PCDHA3: variants seen among roughly 807,000 people sequenced by gnomAD.
The protein encoded by PCDHA3 is protocadherin alpha 3.
In PCDHA3, 41 loss-of-function variants were observed where a neutral mutation model predicts 62.2. That is an observed-to-expected ratio of 0.66 (90% CI 0.51 to 0.86). The LOEUF (loss-of-function observed/expected upper bound fraction) is 0.86, where lower values mean the gene tolerates loss of function less well. Ranked by LOEUF, PCDHA3 falls within the 40% of genes least tolerant of loss-of-function variation. The pLI, the probability that PCDHA3 is intolerant of heterozygous loss-of-function variation, is 0.00. For missense variants in PCDHA3, 1,304 were observed against 1,241.2 expected (o/e 1.05, Z -0.76); for synonymous variants, 640 against 555.4 (o/e 1.15, Z -2.14).
At chr5:140,829,702 G>C in intron 1 of PCDHA3, 4 of 1,613,390 alleles carry the variant, frequency 2.5e-6, no homozygotes, top group Non-Finnish European at 3.4e-6. Context: ...AGGTGAGCGC[G>C]CGCGACGCGG....
intron 1 of PCDHA3, among the ~76,000 whole-genome samples, chr5:140,833,912 G>A (rs2150212045): frequency 3.3e-5 from 5 of 152,070 alleles, no homozygotes; most frequent in Non-Finnish European, 7.4e-5. Context: ...TAAACTTGCA[G>A]TTGTTTAAAT....
At chr5:140,834,375 T>G in intron 1 of PCDHA3, 2 of 1,560,406 alleles carry the variant, frequency 1.3e-6, no homozygotes, top group South Asian at 2.4e-5. Context: ...AACAAGCCAA[T>G]AATTTGAAAT....
intron 1 of PCDHA3, among the ~76,000 whole-genome samples, chr5:140,941,214 CCTTTCTTTCTTTCTTT>C (rs60032403): frequency 8.2e-6 from 1 of 122,414 alleles, no homozygotes; most frequent in East Asian, 2.3e-4. Context: ...TTTCTTTCTT[CCTTTCTTTCTTTCTTT>C]CTTTCTTTCT....
chr5:140,982,128 A>G (rs2153827578), intron 2 of PCDHA3, among the ~76,000 whole-genome samples: 1 of 152,384 alleles, frequency 6.6e-6, no homozygotes, highest in South Asian at 2.1e-4. Flanking sequence ...TTTTGAGAAC[A>G]AGCCCTCCTC....
At chr5:141,004,156 A>G (rs2098155888) in intron 3 of PCDHA3, among the ~76,000 whole-genome samples, 1 of 152,248 alleles carries the variant, frequency 6.6e-6, no homozygotes, top group Admixed American at 6.5e-5. Flanking sequence ...GACATTTTAT[A>G]GGCAAAGCCA....
chr5:140,928,605 C>T, intron 1 of PCDHA3: 1 of 1,614,208 alleles, frequency 6.2e-7, no homozygotes, highest in South Asian at 1.1e-5. Flanking sequence ...AAATTGTGCC[C>T]CGCTCTGCCA....
chr5:140,966,903 A>G (rs1554228870), intron 1 of PCDHA3: 2 of 1,599,926 alleles, frequency 1.3e-6, no homozygotes, highest in South Asian at 2.2e-5. Context: ...CAGCTGCGAT[A>G]CTCTGTGCCA....
intron 1 of PCDHA3, among the ~76,000 whole-genome samples, chr5:140,903,945 C>G (rs191892568): frequency 2.6e-5 from 4 of 152,162 alleles, no homozygotes; most frequent in Non-Finnish European, 5.9e-5. Context: ...CTCTTAAATA[C>G]TGGAAAATTA....
intron 2 of PCDHA3, among the ~76,000 whole-genome samples, chr5:140,981,613 G>C (rs1279038280): frequency 6.6e-6 from 1 of 152,056 alleles, no homozygotes; most frequent in Non-Finnish European, 1.5e-5. Flanking sequence ...CTCTAATTTT[G>C]ATGAGGGTTT....
At chr5:140,970,156 T>G (rs933887683) in intron 1 of PCDHA3, among the ~76,000 whole-genome samples, 1 of 152,188 alleles carries the variant, frequency 6.6e-6, no homozygotes, top group Non-Finnish European at 1.5e-5. Flanking sequence ...CTCCCAATAG[T>G]CACCTTTCTT....
chr5:140,827,859 T>C (rs1769432236), intron 1 of PCDHA3: 1 of 511,426 alleles, frequency 2.0e-6, no homozygotes, highest in South Asian at 3.9e-5. Context: ...TAAAAATATA[T>C]GGTATAGCAC....
At chr5:140,935,894 CTT>C (rs55841305) in intron 1 of PCDHA3, among the ~76,000 whole-genome samples, 8 of 136,706 alleles carry the variant, frequency 5.9e-5, no homozygotes, top group Non-Finnish European at 3.1e-5. Context: ...TCAATATTAT[CTT>C]TTTTTTTTTT....
chr5:140,849,985 G>A lies in PCDHA3; in HGVS notation c.2394+46394G>A, dbSNP rs2150461572. On this transcript the variant is annotated intron_variant, in intron 1 of 3. Coordinates refer to ENST00000522353, the MANE Select transcript of PCDHA3 (RefSeq NM_018906.3). ...CTGGTGTCCTACTCGCTGGTGGAGC[G>A]GCGGTTGGGCGAGCGCTCGCTGTCG... 42 of 1,597,276 alleles carry A rather than the reference G, an allele frequency of 2.6e-5. No homozygotes were observed. The East Asian group carries it at 9.4e-4, about 36-fold the overall frequency.
Position 140,866,315 on chromosome 5 carries a change from A to C in PCDHA3, c.2394+62724A>C, listed in dbSNP as rs529442584. On this transcript the variant is annotated intron_variant, in intron 1 of 3. Transcript: ENST00000522353. ...GTATAGATGTTGATATTATTATTTC[A>C]GGGACCCTGAACTTGGCCAAAGGAT... The C allele has an allele frequency of 2.6e-5, 4 of 152,278 alleles. No individual in the cohort carries two copies. The East Asian group carries it at 7.7e-4, about 29-fold the overall frequency. 9.4% of individuals were successfully genotyped at this position (152,278 alleles called of 1,614,324 possible).
At chr5:140,832,611 T>C (rs1288145538) in intron 1 of PCDHA3, among the ~76,000 whole-genome samples, 1 of 152,132 alleles carries the variant, frequency 6.6e-6, no homozygotes, top group Non-Finnish European at 1.5e-5. Context: ...TGCTAGTGAG[T>C]AAATGTTTTT....
At chr5:140,830,776 T>A (rs190922926) in intron 1 of PCDHA3, 105 of 166,754 alleles carry the variant, frequency 6.3e-4, no homozygotes, top group Admixed American at 1.3e-3. Flanking sequence ...CATAGTAGCA[T>A]TTTTTTCTGA....
intron 1 of PCDHA3, among the ~76,000 whole-genome samples, chr5:140,925,950 A>G (rs2082820493): frequency 6.6e-6 from 1 of 152,030 alleles, no homozygotes. Flanking sequence ...GGAGAAGGAG[A>G]AACTGCTATC....
At chr5:140,822,707 A>G (rs2150118718) in intron 1 of PCDHA3, 2 of 1,610,668 alleles carry the variant, frequency 1.2e-6, no homozygotes, top group South Asian at 1.1e-5. Context: ...GATTATGAAG[A>G]CTATAACTCA....
At chr5:140,994,065 T>A (rs1563596985) in intron 3 of PCDHA3, among the ~76,000 whole-genome samples, 1 of 152,092 alleles carries the variant, frequency 6.6e-6, no homozygotes, top group Non-Finnish European at 1.5e-5. Context: ...ATAAATCTAA[T>A]GGTGAAGGGA....
Sources: gnomAD v4.1 joint callset for allele counts (sites outside exome capture counted in the v4.1 genomes callset) on GRCh38, gnomAD v4.1.1 for gene constraint, MANE v1.5 for transcripts, NCBI Gene and HGNC (gene_info 2026-07-23, HGNC 2026-07-21) for gene names.